Variants in ZDHHC14 observed in about 807,000 individuals in gnomAD.
The protein encoded by ZDHHC14 is zDHHC palmitoyltransferase 14.
A neutral mutation model predicts 47.7 loss-of-function variants in ZDHHC14; 16 were observed. The observed-to-expected ratio is 0.34, with a 90% CI of 0.23 to 0.51. ZDHHC14 has a LOEUF of 0.51. ZDHHC14 is among the 20% of genes least tolerant of loss of function. The pLI, the probability that ZDHHC14 is intolerant of heterozygous loss-of-function variation, is 0.97. For synonymous variants in ZDHHC14, 293 were observed against 278.9 expected (o/e 1.05, Z -0.50); for missense variants, 515 against 662.5 (o/e 0.78, Z 2.44).
At chr6:157,460,089 G>T (rs2114812997) in intron 1 of ZDHHC14, among the ~76,000 whole-genome samples, 1 of 148,650 alleles carries the variant, frequency 6.7e-6, no homozygotes, top group Non-Finnish European at 1.5e-5. Flanking sequence ...GCCAGGTCTA[G>T]CTACTTGGGG....
At chr6:157,632,963 C>A in intron 5 of ZDHHC14, 81 bp downstream of exon 5, 1 of 1,439,306 alleles carries the variant, frequency 6.9e-7, no homozygotes, top group Non-Finnish European at 9.8e-7. Context: ...ACCTCCTCAT[C>A]TTCTGCCCCG....
At chr6:157,527,713 A>T (rs1206733235) in intron 1 of ZDHHC14, among the ~76,000 whole-genome samples, 2 of 152,218 alleles carry the variant, frequency 1.3e-5, no homozygotes, top group African/African-American at 2.4e-5. Flanking sequence ...TGCTTTAAAC[A>T]TGAAGCAGTG....
intron 1 of ZDHHC14, among the ~76,000 whole-genome samples, chr6:157,383,352 A>G (rs1006327215): frequency 3.3e-5 from 5 of 152,150 alleles, no homozygotes; most frequent in African/African-American, 1.2e-4. Flanking sequence ...AATCCTGGTT[A>G]TTATTGGGCT....
chr6:157,573,208 C>A (rs531124327), intron 2 of ZDHHC14, among the ~76,000 whole-genome samples: 1 of 152,170 alleles, frequency 6.6e-6, no homozygotes, highest in African/African-American at 2.4e-5. Context: ...CACCCTCTTG[C>A]CAGCTGTTGA....
In ZDHHC14 at chr6:157,426,431, G is replaced by A. The variant is rs548332835; in HGVS notation, c.245+44165G>A. Among the ~76,000 whole-genome samples the A allele has an allele frequency of 3.9e-5, 6 of 152,320 alleles. No homozygotes were observed. The South Asian group carries it at 8.3e-4, about 21-fold the overall frequency. The stretch of plus-strand genomic sequence containing the variant: ...ATGGAATGCCAATGGCATGCCACAT[G>A]CCGCATTAGGGTCTTAGGATCGAGG... On this transcript the variant is annotated intron_variant, in intron 1 of 8. Coordinates refer to ENST00000359775, the MANE Select transcript of ZDHHC14 (RefSeq NM_024630.3).
At chr6:157,501,645 G>T (rs1282572283) in intron 1 of ZDHHC14, among the ~76,000 whole-genome samples, 4 of 152,156 alleles carry the variant, frequency 2.6e-5, no homozygotes, top group Non-Finnish European at 5.9e-5. Context: ...TTTTATTTTG[G>T]AATGTACTGA....
intron 2 of ZDHHC14, 60 bp from the exon 3 acceptor site, chr6:157,592,928 T>G (rs1582989806): frequency 6.5e-7 from 1 of 1,532,616 alleles, no homozygotes; most frequent in Non-Finnish European, 8.7e-7. Flanking sequence ...GGCGGACGGG[T>G]CCCGCCGAGG....
chr6:157,515,457 C>CTTTTTCT (rs1780653009), intron 1 of ZDHHC14, among the ~76,000 whole-genome samples: 1 of 129,450 alleles, frequency 7.7e-6, no homozygotes, highest in Non-Finnish European at 1.7e-5. Flanking sequence ...TTTTCTTTTT[C>CTTTTTCT]TTTTTTTTTT....
intron 1 of ZDHHC14, among the ~76,000 whole-genome samples, chr6:157,515,425 C>T (rs954660887): frequency 6.6e-6 from 1 of 151,278 alleles, no homozygotes; most frequent in Non-Finnish European, 1.5e-5. Flanking sequence ...ACGAACTGGG[C>T]GCACCCTTCA....
chr6:157,381,958 C>T lies in ZDHHC14; in HGVS notation c.-64C>T, dbSNP rs910603619. On this transcript the variant is annotated 5_prime_UTR_variant, in exon 1 of 9. Transcript: ENST00000359775. The stretch of plus-strand genomic sequence containing the variant: ...CGGGCGGCCGGCGGCGGTCGTGGCT[C>T]GGCGGGGCCCGCGCGGCCGGGGGGC... The T allele has an allele frequency of 4.0e-6, 4 of 1,009,514 alleles. No homozygotes were observed. The highest frequency in any genetic ancestry group is 1.8e-5 in the African/African-American group (1 of 56,704). 62.5% of individuals were successfully genotyped at this position (1,009,514 alleles called of 1,614,324 possible).
At chr6:157,670,123 C>G (rs192008507) in intron 8 of ZDHHC14, among the ~76,000 whole-genome samples, 5 of 152,164 alleles carry the variant, frequency 3.3e-5, no homozygotes, top group African/African-American at 1.2e-4. Context: ...TGCTCAGTAG[C>G]CCCCACCGGA....
At position 157,381,532 on chromosome 6, in the gene ZDHHC14, TG is replaced by T; in HGVS notation, c.-488del. ...GAGGATCCGCTGCCGGAGGAAGGAG[TG>T]GACCCAACCTGGCCGCGCCGCAGAA... On this transcript the variant is annotated 5_prime_UTR_variant, in exon 1 of 9. Coordinates refer to ENST00000359775, the MANE Select transcript of ZDHHC14 (RefSeq NM_024630.3). 2.5e-6 allele frequency: 1 copy of T among 404,186 alleles called. No homozygotes were observed. The allele number at this position is 404,186 out of a possible 1,614,324, so 25.0% of individuals were successfully genotyped here.
chr6:157,566,849 A>ATTT (rs34288957), intron 2 of ZDHHC14, among the ~76,000 whole-genome samples: 380 of 136,680 alleles, frequency 2.8e-3, no homozygotes, highest in African/African-American at 9.9e-3. Flanking sequence ...AGCAAGGGGA[A>ATTT]TTTTTTTTTT....
chr6:157,616,173 C>T lies in ZDHHC14; in HGVS notation c.566-12176C>T, dbSNP rs1025366403. Among the ~76,000 whole-genome samples, 7 of 152,108 alleles carry T rather than the reference C, an allele frequency of 4.6e-5. No homozygotes were observed. In the East Asian group the frequency reaches 7.7e-4, roughly 17 times the overall value. On this transcript the variant is annotated intron_variant, in intron 3 of 8. Transcript: ENST00000359775. ...GGGGGTGTCCAGGAAGATGTGACAG[C>T]GGCTCCTGCAAGAGGGGACAAGAGC...
intron 1 of ZDHHC14, among the ~76,000 whole-genome samples, chr6:157,518,408 A>AG (rs1206361241): frequency 1.5e-5 from 2 of 132,896 alleles, no homozygotes; most frequent in African/African-American, 5.4e-5. Flanking sequence ...GGAGGGTGGA[A>AG]GGGGGGCTCT....
intron 1 of ZDHHC14, among the ~76,000 whole-genome samples, chr6:157,535,349 C>T (rs545721421): frequency 3.5e-4 from 54 of 152,286 alleles, no homozygotes; most frequent in South Asian, 1.5e-3. Context: ...TGACATTCCT[C>T]GACTCGGTAG....
intron 3 of ZDHHC14, among the ~76,000 whole-genome samples, chr6:157,609,537 TA>T (rs1784675679): frequency 5.3e-5 from 8 of 152,226 alleles, no homozygotes; most frequent in Admixed American, 5.2e-4. Context: ...AGCAACGTCA[TA>T]AAGAGCAGGA....
At chr6:157,652,389 C>A (rs925081067) in intron 7 of ZDHHC14, among the ~76,000 whole-genome samples, 2 of 152,126 alleles carry the variant, frequency 1.3e-5, no homozygotes, top group Non-Finnish European at 2.9e-5. Flanking sequence ...TTGTAGTTTG[C>A]AAAATGCAGA....
chr6:157,519,524 G>A (rs1181860186), intron 1 of ZDHHC14, among the ~76,000 whole-genome samples: 2 of 152,160 alleles, frequency 1.3e-5, no homozygotes, highest in Non-Finnish European at 2.9e-5. Context: ...TTTCTAAAAG[G>A]TGCCGTCTTG....
Sources: allele counts gnomAD v4.1 joint callset (sites outside exome capture counted in the v4.1 genomes callset), GRCh38; gene constraint gnomAD v4.1.1; transcripts MANE v1.5; gene names NCBI Gene and HGNC (gene_info 2026-07-23, HGNC 2026-07-21).